Variants in ETFA observed in about 807,000 individuals in gnomAD.
The protein encoded by ETFA is electron transfer flavoprotein subunit alpha, also known as electron transfer flavoprotein subunit alpha, mitochondrial.
ETFA carries 22 observed loss-of-function variants against 46.2 expected under a neutral mutation model. The ratio of observed to expected loss-of-function variants is 0.48; its 90% confidence interval spans 0.34 to 0.68. The LOEUF (loss-of-function observed/expected upper bound fraction) is 0.68. ETFA is among the 30% of genes least tolerant of loss of function. The probability of loss-of-function intolerance (pLI) is 0.01; values close to 1 mark genes in which losing one functional copy is unlikely to be tolerated. For synonymous variants in ETFA, 131 were observed against 139.9 expected, an observed-to-expected ratio of 0.94 and a Z score of 0.45; for missense variants, 345 against 401.1, an observed-to-expected ratio of 0.86 and a Z score of 1.19.
intron 11 of ETFA, among the ~76,000 whole-genome samples, chr15:76,223,034 C>G (rs111680852): frequency 5.3e-5 from 8 of 151,998 alleles, no homozygotes; most frequent in Non-Finnish European, 1.0e-4. Context: ...GGGGTTTCAC[C>G]ATGTTGCTCA....
intron 4 of ETFA, among the ~76,000 whole-genome samples, chr15:76,288,511 T>C (rs951166746): frequency 6.6e-6 from 1 of 152,064 alleles, no homozygotes; most frequent in Admixed American, 6.5e-5. Context: ...TTGAGACCAA[T>C]GTGGCCAACA....
chr15:76,294,755 C>T (rs2039801032), intron 2 of ETFA, among the ~76,000 whole-genome samples: 1 of 152,088 alleles, frequency 6.6e-6, no homozygotes, highest in African/African-American at 2.4e-5. Flanking sequence ...CACCATGTTG[C>T]CCAGGCTGGT....
intron 9 of ETFA, among the ~76,000 whole-genome samples, chr15:76,273,348 G>A (rs1472031959): frequency 5.3e-5 from 8 of 152,108 alleles, no homozygotes; most frequent in Non-Finnish European, 1.0e-4. Context: ...AAGGTCATGA[G>A]TTCAAGACCA....
intron 9 of ETFA, among the ~76,000 whole-genome samples, chr15:76,266,398 G>A (rs551345622): frequency 9.2e-4 from 140 of 152,308 alleles, no homozygotes; most frequent in African/African-American, 3.2e-3. Flanking sequence ...AAGCTATTAA[G>A]CCAGTTGGAG....
chr15:76,229,223 T>C (rs2039038438), intron 10 of ETFA: 1 of 152,214 alleles, frequency 6.6e-6, no homozygotes, highest in African/African-American at 2.4e-5. Context: ...CTGTCTCCTA[T>C]GCAGATAATG....
intron 11 of ETFA, among the ~76,000 whole-genome samples, chr15:76,223,216 C>CTTTTTTTTTTT (rs3065601): frequency 8.2e-6 from 1 of 122,022 alleles, no homozygotes; most frequent in Non-Finnish European, 1.6e-5. Context: ...TACTTCAGAA[C>CTTTTTTTTTTT]TTTTTTTTTT....
In ETFA at chr15:76,267,940, A is replaced by G. The variant is rs567196658; in HGVS notation, c.816+6472T>C. ...TGTGTGGGTGCCCACCAAACATCTG[A>G]AGATCTATCATGAGCCACAGCATCT... is the stretch of plus-strand genomic sequence containing the variant. On this transcript the variant is annotated intron_variant, in intron 9 of 11. Transcript: ENST00000557943. 8.6e-5 allele frequency among the ~76,000 whole-genome samples: 13 copies of G among 152,020 alleles called. No individual in the cohort carries two copies. The South Asian group carries it at 2.7e-3, about 32-fold the overall frequency.
intron 9 of ETFA, among the ~76,000 whole-genome samples, chr15:76,235,592 T>C (rs2039114436): frequency 6.6e-6 from 1 of 152,238 alleles, no homozygotes; most frequent in African/African-American, 2.4e-5. Context: ...ATATTCTTAC[T>C]GTACCTTACA....
chr15:76,295,657 G>C lies in ETFA; in HGVS notation c.120C>G (p.Thr40=). 1.2e-6 allele frequency: 2 copies of C among 1,613,140 alleles called. No homozygotes were observed. The highest frequency in any genetic ancestry group is 1.7e-6 in the Non-Finnish European group (2 of 1,179,400). ...CTCCAAGGCGTGTGGCTGCAGTAAT[G>C]GTATTTAAAGTAATGGGTGCTAGGG... The part of the protein sequence containing the change: ...NDSLAPITLN[T]ITAATRLGGE... The change falls in exon 2 of 12, where the codon ACC becomes ACG. Residue 40 remains threonine (T), a synonymous_variant. Coordinates refer to ENST00000557943, the MANE Select transcript of ETFA (RefSeq NM_000126.4).
At chr15:76,260,642 C>T in intron 9 of ETFA, 3 of 1,546,028 alleles carry the variant, frequency 1.9e-6, no homozygotes, top group Non-Finnish European at 2.7e-6. Flanking sequence ...TATAGGGTCC[C>T]AGGGGGCCTT....
At chr15:76,236,520 A>C (rs2039124098) in intron 9 of ETFA, among the ~76,000 whole-genome samples, 1 of 152,226 alleles carries the variant, frequency 6.6e-6, no homozygotes, top group East Asian at 1.9e-4. Flanking sequence ...ATGGTCTGAC[A>C]ACAGATCTAA....
intron 9 of ETFA, among the ~76,000 whole-genome samples, chr15:76,236,931 T>A (rs1348742229): frequency 6.6e-6 from 1 of 152,188 alleles, no homozygotes; most frequent in Non-Finnish European, 1.5e-5. Context: ...AAAAAGATTT[T>A]AAAAGTATCT....
At chr15:76,306,434 T>A (rs566636119) in intron 1 of ETFA, among the ~76,000 whole-genome samples, 1 of 152,008 alleles carries the variant, frequency 6.6e-6, no homozygotes, top group Non-Finnish European at 1.5e-5. Flanking sequence ...ACCCAGCTAA[T>A]TTTTGTATTT....
chr15:76,301,699 C>T (rs1188505622), intron 1 of ETFA, among the ~76,000 whole-genome samples: 1 of 126,596 alleles, frequency 7.9e-6, no homozygotes, highest in Non-Finnish European at 1.6e-5. Flanking sequence ...GAGAGAGACT[C>T]CATCTCAAAA....
intron 9 of ETFA, chr15:76,261,329 T>G: frequency 1.4e-6 from 2 of 1,424,668 alleles, no homozygotes; most frequent in Non-Finnish European, 2.0e-6. Context: ...GGCTGGGAGA[T>G]CTGGGTTTCG....
intron 8 of ETFA, among the ~76,000 whole-genome samples, chr15:76,277,324 TAAG>T (rs879698590): frequency 2.6e-5 from 4 of 152,146 alleles, no homozygotes; most frequent in Non-Finnish European, 5.9e-5. Context: ...CAGACCTTGT[TAAG>T]AAGAACAGAA....
chr15:76,281,736 A>G (rs2039654067), intron 8 of ETFA, among the ~76,000 whole-genome samples: 5 of 151,998 alleles, frequency 3.3e-5, no homozygotes, highest in Middle Eastern at 3.4e-3. Flanking sequence ...AAGTGTCTGT[A>G]GTAGGCAAGA....
chr15:76,256,901 G>C (rs1024338224), intron 9 of ETFA, among the ~76,000 whole-genome samples: 2 of 152,118 alleles, frequency 1.3e-5, no homozygotes, highest in Admixed American at 1.3e-4. Context: ...CAGGTTTGTA[G>C]CCTAGCAGCA....
At chr15:76,218,810 T>G (rs887206323) in intron 11 of ETFA, among the ~76,000 whole-genome samples, 1 of 152,222 alleles carries the variant, frequency 6.6e-6, no homozygotes, top group African/African-American at 2.4e-5. Context: ...TATGTTTCAC[T>G]CATTCACTTA....
Sources: allele counts gnomAD v4.1 joint callset (sites outside exome capture counted in the v4.1 genomes callset), GRCh38; gene constraint gnomAD v4.1.1; transcripts MANE v1.5; gene names NCBI Gene and HGNC (gene_info 2026-07-23, HGNC 2026-07-21).